Variants in BPHL observed in about 807,000 individuals in gnomAD.
BPHL encodes serine hydrolase BPHL.
BPHL carries 27 observed loss-of-function variants against 31.2 expected under a neutral mutation model. The observed-to-expected ratio is 0.87, with a 90% CI of 0.64 to 1.19. The LOEUF (loss-of-function observed/expected upper bound fraction) is 1.19. Ranked by LOEUF, BPHL falls within the 50% of genes most tolerant of loss-of-function variation. BPHL has a pLI of 0.00. For synonymous variants in BPHL, 150 were observed against 146.8 expected (o/e 1.02, Z -0.16); for missense variants, 356 against 375.7 (o/e 0.95, Z 0.43).
chr6:3,145,599 G>C, intron 6 of BPHL, among the ~76,000 whole-genome samples: 1 of 58,330 alleles, frequency 1.7e-5, no homozygotes, highest in Admixed American at 1.4e-4. Flanking sequence ...GGTTTGGGTC[G>C]GAGTGCTGGT....
intron 4 of BPHL, among the ~76,000 whole-genome samples, chr6:3,134,411 C>T (rs1334966511): frequency 1.4e-5 from 2 of 145,400 alleles, no homozygotes; most frequent in African/African-American, 5.1e-5. Flanking sequence ...TTTTGTTTTT[C>T]TTTCCTTTTT....
chr6:3,142,364 A>G (rs1483203690), intron 6 of BPHL, among the ~76,000 whole-genome samples: 2 of 151,878 alleles, frequency 1.3e-5, no homozygotes, highest in African/African-American at 4.8e-5. Context: ...TGATCCACCC[A>G]CCTTGGCCTC....
chr6:3,122,064 G>A (rs985271356), intron 1 of BPHL, among the ~76,000 whole-genome samples: 1 of 152,146 alleles, frequency 6.6e-6, no homozygotes, highest in African/African-American at 2.4e-5. Context: ...CAGATCACGA[G>A]GTCAGGAGAT....
chr6:3,143,850 C>A (rs534844404), intron 6 of BPHL, among the ~76,000 whole-genome samples: 1 of 152,210 alleles, frequency 6.6e-6, no homozygotes, highest in African/African-American at 2.4e-5. Flanking sequence ...GCCAGAGGCC[C>A]GGTTCTGGGT....
Position 3,134,060 on chromosome 6 carries a change from G to A in BPHL, c.533-3302G>A, listed in dbSNP as rs889711331. 5.3e-5 allele frequency among the ~76,000 whole-genome samples: 8 copies of A among 152,232 alleles called. No individual in the cohort carries two copies. In the South Asian group the frequency reaches 8.3e-4, roughly 16 times the overall value. ...TTATTGGGGTCTTAATTTGCATTTC[G>A]TATTACTAATAAGATTGAAAATCTG... On this transcript the variant is annotated intron_variant, in intron 4 of 6. Transcript: ENST00000380379.
intron 5 of BPHL, chr6:3,138,298 C>A (rs763994832): frequency 1.5e-5 from 3 of 200,302 alleles, no homozygotes; most frequent in South Asian, 1.3e-4. Flanking sequence ...GATTACAGGC[C>A]TGAGACACCA....
intron 4 of BPHL, among the ~76,000 whole-genome samples, chr6:3,137,103 C>T (rs1246489775): frequency 1.3e-5 from 2 of 151,736 alleles, no homozygotes; most frequent in South Asian, 4.2e-4. Flanking sequence ...TAGTGTAGGC[C>T]CTGGGGTACA....
At chr6:3,150,550 G>A (rs1017082501) in intron 6 of BPHL, among the ~76,000 whole-genome samples, 9 of 152,318 alleles carry the variant, frequency 5.9e-5, no homozygotes, top group South Asian at 4.1e-4. Flanking sequence ...AGGCCCCTTC[G>A]TTTCCAACTG....
chr6:3,134,848 T>C (rs867603354), intron 4 of BPHL, among the ~76,000 whole-genome samples: 75 of 152,162 alleles, frequency 4.9e-4, no homozygotes, highest in Middle Eastern at 6.8e-3. Context: ...GTGATCCGCC[T>C]GCCTCGGCCT....
chr6:3,148,261 T>C (rs939984614), intron 6 of BPHL, among the ~76,000 whole-genome samples: 2 of 152,198 alleles, frequency 1.3e-5, no homozygotes, highest in Admixed American at 6.5e-5. Flanking sequence ...TGCAGTGGGC[T>C]AGTTACTCTC....
intron 6 of BPHL, 150 bp from the exon 7 acceptor site, chr6:3,152,338 T>C (rs536093593): frequency 9.5e-6 from 6 of 633,192 alleles, no homozygotes; most frequent in African/African-American, 9.3e-5. Flanking sequence ...TCTTAGGAGA[T>C]TGATGGGTTA....
Position 3,129,086 on chromosome 6 carries a change from TGGG to T in BPHL, c.423_425del (p.Gly142del), listed in dbSNP as rs762252068. 6.2e-7 allele frequency: 1 copy of T among 1,614,222 alleles called. No individual in the cohort carries two copies. Among genetic ancestry groups the T allele is most frequent in the Non-Finnish European group, 8.5e-7 (1 of 1,180,026 alleles). ...AGGTTTCTCTGCTGGGGTGGAGTGA[TGGG>T]GGCATAACCGCACTCATTGCTGCTG... On this transcript the variant is annotated inframe_deletion, in exon 4 of 7. Transcript: ENST00000380379.
chr6:3,140,183 A>G lies in BPHL; in HGVS notation c.665-203A>G. 3.2e-6 allele frequency: 2 copies of G among 624,858 alleles called. No homozygotes were observed. The highest frequency in any genetic ancestry group is 2.3e-5 in the South Asian group (1 of 43,572). 38.7% of individuals were successfully genotyped at this position (624,858 alleles called of 1,614,324 possible). On this transcript the variant is annotated intron_variant, in intron 5 of 6. Coordinates refer to ENST00000380379, the MANE Select transcript of BPHL (RefSeq NM_004332.4). This position sits in a 1 kb window ranked among gnomAD's most constrained non-coding sequence, Gnocchi z 5.2. Reference sequence around the variant, plus strand: ...GTAGAACTCAGAAACAGGCAAACAAACAAGAAACAGAGAGAAACAGAAAAG... The same window carrying G: ...GTAGAACTCAGAAACAGGCAAACAAGCAAGAAACAGAGAGAAACAGAAAAG...
rs1421989296 is a variant in BPHL at position 3,122,104 on chromosome 6, C to T, written c.108-1553C>T. Among the ~76,000 whole-genome samples the T allele has an allele frequency of 2.6e-5, 4 of 152,092 alleles. No homozygotes were observed. In the East Asian group the frequency reaches 7.7e-4, roughly 29 times the overall value. On this transcript the variant is annotated intron_variant, in intron 1 of 6. Transcript: ENST00000380379. ...ACCATCCTGGCTAACAGGGTGAAACCCCGTCTCTACTAAAAATACAAAAAA... is the reference window on the plus strand; with the variant it reads ...ACCATCCTGGCTAACAGGGTGAAACTCCGTCTCTACTAAAAATACAAAAAA...
intron 6 of BPHL, among the ~76,000 whole-genome samples, chr6:3,146,129 C>T (rs1285237968): frequency 6.2e-4 from 8 of 12,808 alleles, no homozygotes; most frequent in East Asian, 1.6e-3. Flanking sequence ...TGGTTCGGGT[C>T]GGAGTGCTGG....
chr6:3,131,986 C>G (rs562279295), intron 4 of BPHL, among the ~76,000 whole-genome samples: 2 of 152,372 alleles, frequency 1.3e-5, no homozygotes, highest in South Asian at 2.1e-4. Context: ...AGCACTTACT[C>G]CCTTGCCTCG....
At chr6:3,118,926 C>G in intron 1 of BPHL, 79 bp downstream of exon 1, 1 of 1,139,012 alleles carries the variant, frequency 8.8e-7, no homozygotes, top group South Asian at 4.2e-5. Context: ...GTGCCGACAG[C>G]AGGAGTTCCC....
chr6:3,150,382 T>C (rs1762488592), intron 6 of BPHL, among the ~76,000 whole-genome samples: 1 of 152,144 alleles, frequency 6.6e-6, no homozygotes, highest in African/African-American at 2.4e-5. Flanking sequence ...CATTTTGACC[T>C]AAAAGAGCTG....
chr6:3,144,456 G>T (rs1762271778), intron 6 of BPHL, among the ~76,000 whole-genome samples: 1 of 149,244 alleles, frequency 6.7e-6, no homozygotes, highest in South Asian at 2.1e-4. Flanking sequence ...TGTGATCACG[G>T]CTCATTGCAG....
Sources: allele counts gnomAD v4.1 joint callset (sites outside exome capture counted in the v4.1 genomes callset), GRCh38; gene constraint gnomAD v4.1.1; non-coding constraint Gnocchi (gnomAD v3.1); transcripts MANE v1.5; gene names NCBI Gene and HGNC (gene_info 2026-07-23, HGNC 2026-07-21).